The following DYNC1I1 variants were observed in gnomAD, a reference collection of about 807,000 sequenced individuals.
DYNC1I1 encodes cytoplasmic dynein 1 intermediate chain 1.
A neutral mutation model predicts 86.6 loss-of-function variants in DYNC1I1; 43 were observed. The observed-to-expected ratio is 0.50, with a 90% confidence interval of 0.39 to 0.64. The LOEUF (loss-of-function observed/expected upper bound fraction) is 0.64, where lower values mean the gene tolerates loss of function less well. Ranked by LOEUF, DYNC1I1 falls within the 30% of genes least tolerant of loss-of-function variation. DYNC1I1 has a pLI of 0.00. For synonymous variants in DYNC1I1, 262 were observed against 283.7 expected (o/e 0.92, Z 0.77); for missense variants, 604 against 788.8 (o/e 0.77, Z 2.81).
intron 1 of DYNC1I1, among the ~76,000 whole-genome samples, chr7:95,782,229 T>A (rs1794011891): frequency 6.6e-6 from 1 of 152,196 alleles, no homozygotes; most frequent in African/African-American, 2.4e-5. Context: ...GTGGCATCCT[T>A]AAGTGTAGTC....
In DYNC1I1 at chr7:95,987,109, A is replaced by G; in HGVS notation, c.797A>G (p.His266Arg). 1 of 1,613,998 alleles carries G rather than the reference A, an allele frequency of 6.2e-7. No homozygotes were observed. Among genetic ancestry groups the G allele is most frequent in the Non-Finnish European group, 8.5e-7 (1 of 1,179,910 alleles). The change falls in exon 9 of 17, where the codon CAT (histidine) becomes CGT (arginine). Residue 266 changes from histidine to arginine, a missense_variant. Physicochemically the swap from His to Arg is conservative, Grantham distance 29. Transcript: ENST00000447467. ...TTCAATCGTCAGTTCTATGATGAAC[A>G]TTGGTCCAAGCATCGAGTGGTCACT... ...LSFNRQFYDEHWSKHRVVTCM... is the reference protein window; with the variant it reads ...LSFNRQFYDERWSKHRVVTCM...
At chr7:95,958,706 A>G (rs1342369183) in intron 6 of DYNC1I1, among the ~76,000 whole-genome samples, 1 of 152,248 alleles carries the variant, frequency 6.6e-6, no homozygotes, top group Non-Finnish European at 1.5e-5. Context: ...TTCTAAGCTA[A>G]TTGACAAATT....
intron 14 of DYNC1I1, among the ~76,000 whole-genome samples, chr7:96,065,146 C>T (rs549851870): frequency 6.6e-6 from 1 of 152,276 alleles, no homozygotes; most frequent in Non-Finnish European, 1.5e-5. Context: ...TCTTCCAACA[C>T]TTCTCAGTTT....
chr7:96,080,315 A>T, intron 15 of DYNC1I1, 48 bp from the exon 16 acceptor site: 1 of 1,526,110 alleles, frequency 6.6e-7, no homozygotes, highest in Non-Finnish European at 8.8e-7. Context: ...TTGTATATTT[A>T]AATTCATATT....
At chr7:96,028,524 T>C (rs1363048683) in intron 11 of DYNC1I1, among the ~76,000 whole-genome samples, 5 of 152,156 alleles carry the variant, frequency 3.3e-5, no homozygotes, top group Non-Finnish European at 7.4e-5. Flanking sequence ...ATAACCTACA[T>C]GTGCTAGCAT....
chr7:96,038,355 T>G (rs1259695265), intron 13 of DYNC1I1, among the ~76,000 whole-genome samples: 3 of 152,212 alleles, frequency 2.0e-5, no homozygotes, highest in Non-Finnish European at 4.4e-5. Context: ...ATAGCATTTT[T>G]GGTATGTTTT....
At chr7:95,956,393 T>C (rs1792712838) in intron 6 of DYNC1I1, among the ~76,000 whole-genome samples, 1 of 148,498 alleles carries the variant, frequency 6.7e-6, no homozygotes. Flanking sequence ...TTTTTTTTTT[T>C]TTTATTATAC....
intron 1 of DYNC1I1, among the ~76,000 whole-genome samples, chr7:95,800,841 C>G (rs1410538809): frequency 6.6e-6 from 1 of 152,256 alleles, no homozygotes; most frequent in Non-Finnish European, 1.5e-5. Context: ...TTAGCAATAA[C>G]CTGCATTAGC....
chr7:96,070,455 C>T (rs1790125877), intron 14 of DYNC1I1, among the ~76,000 whole-genome samples: 1 of 152,132 alleles, frequency 6.6e-6, no homozygotes, highest in Non-Finnish European at 1.5e-5. Context: ...ACCCACATGA[C>T]AATTTTTGAA....
chr7:95,969,386 G>T (rs1001585120), intron 6 of DYNC1I1, among the ~76,000 whole-genome samples: 1 of 152,154 alleles, frequency 6.6e-6, no homozygotes, highest in Non-Finnish European at 1.5e-5. Flanking sequence ...ATGGTAGTGG[G>T]TCTTAAATGC....
chr7:95,817,753 TACTC>T (rs1794979228), intron 4 of DYNC1I1, among the ~76,000 whole-genome samples: 1 of 152,192 alleles, frequency 6.6e-6, no homozygotes, highest in East Asian at 1.9e-4. Flanking sequence ...GCCCACTCCT[TACTC>T]ACTAACCTTC....
In DYNC1I1 at chr7:95,828,096, G is replaced by T. The variant is rs779841638; in HGVS notation, c.354G>T (p.Leu118=). 1.2e-6 allele frequency: 2 copies of T among 1,613,786 alleles called. No individual in the cohort carries two copies. Among genetic ancestry groups the T allele is most frequent in the Non-Finnish European group, 1.7e-6 (2 of 1,179,772 alleles). Reference sequence around the variant, plus strand: ...ACACAGACCCCTCAGTGCTCCAGCTGCAGTCAGACTCAGAACTTGGGTATA... The same window carrying T: ...ACACAGACCCCTCAGTGCTCCAGCTTCAGTCAGACTCAGAACTTGGGTATA... ...QWDTDPSVLQ[L]QSDSELGRRL... Residue 118 remains leucine (L), a synonymous_variant, in exon 5 of 17, where the codon CTG becomes CTT. Transcript: ENST00000447467.
At chr7:95,927,798 G>A (rs1015194487) in intron 6 of DYNC1I1, among the ~76,000 whole-genome samples, 2 of 152,166 alleles carry the variant, frequency 1.3e-5, no homozygotes, top group Non-Finnish European at 2.9e-5. Context: ...AGGCAACAGA[G>A]GATAGCTGTC....
chr7:96,085,287 A>T (rs1584310281), intron 16 of DYNC1I1, among the ~76,000 whole-genome samples: 1 of 152,206 alleles, frequency 6.6e-6, no homozygotes, highest in South Asian at 2.1e-4. Flanking sequence ...GGTGCAATTT[A>T]TTATGAACTT....
intron 14 of DYNC1I1, among the ~76,000 whole-genome samples, chr7:96,066,466 A>G (rs989490086): frequency 6.6e-6 from 1 of 152,232 alleles, no homozygotes; most frequent in Admixed American, 6.5e-5. Flanking sequence ...TCTGTTTTCC[A>G]GTGATTTGCA....
chr7:96,107,844 C>CGG (rs1370962407), intron 16 of DYNC1I1, among the ~76,000 whole-genome samples: 1 of 147,230 alleles, frequency 6.8e-6, no homozygotes, highest in Admixed American at 6.8e-5. Context: ...TTTTGAGGAA[C>CGG]GGTTTTATCA....
At chr7:96,055,643 A>G (rs549762954) in intron 14 of DYNC1I1, 2 of 143,176 alleles carry the variant, frequency 1.4e-5, no homozygotes, top group South Asian at 2.1e-4. Flanking sequence ...ACAAAGCAAT[A>G]TCCTATTCTA....
At chr7:95,914,411 C>T (rs1249877137) in intron 6 of DYNC1I1, among the ~76,000 whole-genome samples, 2 of 152,188 alleles carry the variant, frequency 1.3e-5, no homozygotes, top group Non-Finnish European at 2.9e-5. Context: ...AAAAAGAAAG[C>T]TCAAAATACA....
intron 5 of DYNC1I1, among the ~76,000 whole-genome samples, chr7:95,863,405 T>C (rs1206002837): frequency 6.6e-6 from 1 of 152,132 alleles, no homozygotes; most frequent in Non-Finnish European, 1.5e-5. Flanking sequence ...AACGAAAAGG[T>C]TGTGTAATTA....
Sources: gnomAD v4.1 joint callset for allele counts (sites outside exome capture counted in the v4.1 genomes callset) on GRCh38, gnomAD v4.1.1 for gene constraint, MANE v1.5 for transcripts, NCBI Gene and HGNC (gene_info 2026-07-23, HGNC 2026-07-21) for gene names.